Variants in CDKL2 observed in about 807,000 individuals in gnomAD.
CDKL2 encodes the protein cyclin-dependent kinase-like 2.
Under a neutral mutation model 63.9 loss-of-function variants are expected in CDKL2, and 64 were observed. That is an observed-to-expected ratio of 1.00 (90% CI 0.82 to 1.23). The LOEUF (loss-of-function observed/expected upper bound fraction) is 1.23. Among genes scored for constraint, CDKL2 ranks in the 50% most tolerant of loss-of-function variants. CDKL2 has a pLI of 0.00. For synonymous variants in CDKL2, 211 were observed against 229.2 expected (o/e 0.92, Z 0.72); for missense variants, 656 against 668.0 (o/e 0.98, Z 0.20).
intron 10 of CDKL2, among the ~76,000 whole-genome samples, chr4:75,594,448 GA>G (rs35315033): frequency 0.085 from 11,616 of 136,966 alleles, 504 homozygotes; most frequent in Non-Finnish European, 0.1. Flanking sequence ...ATTCTGACTC[GA>G]AAAAAAAAAA....
chr4:75,584,019 G>C (rs558332264), intron 12 of CDKL2, among the ~76,000 whole-genome samples: 1 of 152,302 alleles, frequency 6.6e-6, no homozygotes, highest in South Asian at 2.1e-4. Context: ...ATGCCCTTAA[G>C]ATTCCTGTCC....
At chr4:75,612,175 G>A (rs140356071) in intron 3 of CDKL2, among the ~76,000 whole-genome samples, 266 of 152,198 alleles carry the variant, frequency 1.7e-3, no homozygotes, top group Non-Finnish European at 1.8e-3. Context: ...GTTTCACCAC[G>A]TTGGCCAGGC....
intron 12 of CDKL2, 130 bp downstream of exon 12, chr4:75,591,689 C>A: frequency 1.7e-6 from 1 of 582,082 alleles, no homozygotes; most frequent in Non-Finnish European, 3.0e-6. Flanking sequence ...ACAACATTTG[C>A]AAGCAAAATG....
intron 10 of CDKL2, among the ~76,000 whole-genome samples, chr4:75,594,855 GT>G (rs941337119): frequency 2.6e-5 from 4 of 152,210 alleles, no homozygotes; most frequent in African/African-American, 9.6e-5. Flanking sequence ...GAAAGAGTAG[GT>G]GGAGATGGGA....
At chr4:75,621,474 G>A (rs1489323443) in intron 2 of CDKL2, among the ~76,000 whole-genome samples, 1 of 152,052 alleles carries the variant, frequency 6.6e-6, no homozygotes, top group Non-Finnish European at 1.5e-5. Flanking sequence ...TGAACATACT[G>A]AATGTAATTA....
intron 12 of CDKL2, among the ~76,000 whole-genome samples, chr4:75,590,615 T>G (rs1728677187): frequency 6.6e-6 from 1 of 152,160 alleles, no homozygotes; most frequent in Admixed American, 6.5e-5. Context: ...ATTGGGAGGC[T>G]GAGGCACAAG....
chr4:75,626,591 C>G lies in CDKL2; in HGVS notation c.-29-574G>C, dbSNP rs374788098. On this transcript the variant is annotated intron_variant, in intron 1 of 13. Transcript: ENST00000307465. The stretch of plus-strand genomic sequence containing the variant: ...CTGAGGCAGGAGAATGGCGTGAACC[C>G]GGGAGGCGGAGCTTGCAGTGAGCCA... 3.9e-3 allele frequency among the ~76,000 whole-genome samples: 582 copies of G among 150,402 alleles called. 1 individual carries two copies. The highest frequency in any genetic ancestry group is 6.2e-3 in the Non-Finnish European group (421 of 67,728).
intron 5 of CDKL2, among the ~76,000 whole-genome samples, chr4:75,604,856 C>T (rs926162871): frequency 3.9e-5 from 6 of 152,208 alleles, no homozygotes; most frequent in African/African-American, 1.2e-4. Flanking sequence ...TGCACCAGGG[C>T]GGGCCACAGT....
intron 2 of CDKL2, among the ~76,000 whole-genome samples, chr4:75,623,560 C>A (rs953540463): frequency 2.0e-5 from 3 of 151,816 alleles, no homozygotes; most frequent in Non-Finnish European, 4.4e-5. Flanking sequence ...CCTAGTGTAA[C>A]CACTAAAAGA....
chr4:75,627,731 C>CTTTTTT (rs57328528), intron 1 of CDKL2, among the ~76,000 whole-genome samples: 50 of 85,986 alleles, frequency 5.8e-4, no homozygotes, highest in East Asian at 9.0e-4. Flanking sequence ...CTTTTTTTTT[C>CTTTTTT]TTTTTTTTTT....
chr4:75,606,361 C>G (rs1729427218), intron 4 of CDKL2, among the ~76,000 whole-genome samples: 3 of 152,174 alleles, frequency 2.0e-5, no homozygotes, highest in Non-Finnish European at 4.4e-5. Context: ...ATTACAGGTG[C>G]ATGCCACCAT....
intron 10 of CDKL2, among the ~76,000 whole-genome samples, chr4:75,594,503 GA>G (rs1384373633): frequency 6.6e-6 from 1 of 151,802 alleles, no homozygotes; most frequent in Non-Finnish European, 1.5e-5. Context: ...GTACAGTGAA[GA>G]AAACAAAAGC....
Position 75,609,761 on chromosome 4 carries a change from A to T in CDKL2, c.364-2400T>A, listed in dbSNP as rs1729602056. On this transcript the variant is annotated intron_variant, in intron 3 of 13. Transcript: ENST00000307465. The stretch of plus-strand genomic sequence containing the variant: ...TTGTATTTTGAAAACTAAAAAAGAT[A>T]GATTTGTTTTAACTCTTTCGGAAGA... Among the ~76,000 whole-genome samples the T allele has an allele frequency of 3.3e-5, 5 of 151,476 alleles. No individual in the cohort carries two copies. The South Asian group carries it at 1.0e-3, about 31-fold the overall frequency.
intron 3 of CDKL2, among the ~76,000 whole-genome samples, chr4:75,607,821 AT>A (rs963564367): frequency 5.9e-5 from 9 of 151,474 alleles, no homozygotes; most frequent in East Asian, 1.9e-4. Context: ...GGAAAAAAAA[AT>A]TTTTTTTTGA....
Position 75,600,304 on chromosome 4 carries a change from A to G in CDKL2, c.861T>C (p.Phe287=). Reference sequence around the variant, plus strand: ...ACCTCTCAGCAAATCCATCCATTTGAAAGAAATCATGGTGTAGGAGCTCAG... The same window carrying G: ...ACCTCTCAGCAAATCCATCCATTTGGAAGAAATCATGGTGTAGGAGCTCAG... ...FCAELLHHDF[F]QMDGFAERFS... Residue 287 remains phenylalanine (F), a synonymous_variant, in exon 7 of 14, where the codon TTT becomes TTC. Coordinates refer to ENST00000307465, the MANE Select transcript of CDKL2 (RefSeq NM_001330724.2). The G allele has an allele frequency of 1.2e-6, 2 of 1,613,306 alleles. No homozygotes were observed. The highest frequency in any genetic ancestry group is 1.7e-6 in the Non-Finnish European group (2 of 1,179,404).
intron 2 of CDKL2, among the ~76,000 whole-genome samples, chr4:75,624,794 G>A (rs1021252335): frequency 1.3e-5 from 2 of 151,936 alleles, no homozygotes; most frequent in African/African-American, 2.4e-5. Flanking sequence ...GGAGGAGGAG[G>A]TTGTAGTGAA....
At chr4:75,599,855 G>C (rs1729107620) in intron 7 of CDKL2, among the ~76,000 whole-genome samples, 2 of 152,158 alleles carry the variant, frequency 1.3e-5, no homozygotes, top group Admixed American at 6.5e-5. Context: ...GCACCCACAG[G>C]TTTGGCATAT....
At chr4:75,595,291 G>C (rs948835204) in intron 10 of CDKL2, among the ~76,000 whole-genome samples, 4 of 149,814 alleles carry the variant, frequency 2.7e-5, no homozygotes, top group African/African-American at 9.8e-5. Context: ...TACCACTGTA[G>C]CCTCAACTTT....
intron 8 of CDKL2, 120 bp downstream of exon 8, chr4:75,597,957 T>C: frequency 1.7e-6 from 1 of 598,576 alleles, no homozygotes; most frequent in Non-Finnish European, 2.8e-6. Context: ...TTTTTACAAC[T>C]AAACTAAAAG....
Sources: allele counts gnomAD v4.1 joint callset (sites outside exome capture counted in the v4.1 genomes callset), GRCh38; gene constraint gnomAD v4.1.1; transcripts MANE v1.5; gene names NCBI Gene and HGNC (gene_info 2026-07-23, HGNC 2026-07-21).